The following MGST1 variants were observed in gnomAD, a reference collection of about 807,000 sequenced individuals.
MGST1 encodes glutathione S-transferase 12.
A neutral mutation model predicts 8.9 loss-of-function variants in MGST1; 5 were observed. The observed-to-expected ratio is 0.56, with a 90% confidence interval of 0.29 to 1.19. The LOEUF (loss-of-function observed/expected upper bound fraction) is 1.19, where lower values mean the gene tolerates loss of function less well. MGST1 is among the 50% of genes most tolerant of loss of function. MGST1 has a pLI of 0.08. For synonymous variants in MGST1, 54 were observed against 67.8 expected, an observed-to-expected ratio of 0.80 and a Z score of 1.00; for missense variants, 182 against 187.4, an observed-to-expected ratio of 0.97 and a Z score of 0.17.
intron 4 of MGST1, among the ~76,000 whole-genome samples, chr12:16,499,216 TTAAC>T (rs1163380523): frequency 3.9e-5 from 6 of 152,220 alleles, no homozygotes; most frequent in Non-Finnish European, 7.3e-5. Flanking sequence ...ATTTACATGT[TTAAC>T]TACGTGGGTA....
chr12:16,435,414 T>G (rs141994650), intron 1 of MGST1, among the ~76,000 whole-genome samples: 26 of 152,064 alleles, frequency 1.7e-4, no homozygotes, highest in Middle Eastern at 3.4e-3. Flanking sequence ...TAAAACAAAT[T>G]TGCACTTCTA....
chr12:16,481,759 T>C (rs1591741500), intron 4 of MGST1, among the ~76,000 whole-genome samples: 1 of 150,414 alleles, frequency 6.6e-6, no homozygotes, highest in South Asian at 2.1e-4. Context: ...ATGGCTGGAG[T>C]GAGATGGGCT....
chr12:16,523,747 A>T (rs1330141913), intron 4 of MGST1, among the ~76,000 whole-genome samples: 1 of 152,104 alleles, frequency 6.6e-6, no homozygotes, highest in African/African-American at 2.4e-5. Flanking sequence ...AAGACTGGAA[A>T]CTTAGTTTTC....
Position 16,364,264 on chromosome 12 carries a change from AG to A in MGST1, c.*224del. On this transcript the variant is annotated 3_prime_UTR_variant, in exon 4 of 4. Coordinates refer to ENST00000396210, the MANE Select transcript of MGST1 (RefSeq NM_020300.5). This position sits in a 1 kb window ranked among gnomAD's most constrained non-coding sequence, Gnocchi z 5.7. ...CTTAAGTCTTTTGTCTGATTTTTAA[AG>A]TACTTTCTTATAAATTTGGATCATG... 8.2e-7 allele frequency: 1 copy of A among 1,219,492 alleles called. No homozygotes were observed. Among genetic ancestry groups the A allele is most frequent in the Non-Finnish European group, 1.0e-6 (1 of 976,218 alleles). 75.5% of individuals were successfully genotyped at this position (1,219,492 alleles called of 1,614,324 possible). A position where few individuals can be genotyped will look rare whatever the true frequency, so the allele number is the denominator to read the frequency against.
At chr12:16,461,896 A>C (rs1383971232) in intron 4 of MGST1, among the ~76,000 whole-genome samples, 1 of 152,126 alleles carries the variant, frequency 6.6e-6, no homozygotes, top group African/African-American at 2.4e-5. Flanking sequence ...TACTTGGTTT[A>C]CCAAGATGAT....
chr12:16,400,199 C>G (rs1489114322), intron 1 of MGST1: 1 of 989,154 alleles, frequency 1.0e-6, no homozygotes, highest in South Asian at 1.3e-5. Flanking sequence ...GTCTCTCCCA[C>G]TTCTGTGTAG....
Position 16,544,406 on chromosome 12 carries a change from A to T in MGST1, n.483-45122A>T, listed in dbSNP as rs114793658. Among the ~76,000 whole-genome samples, 826 of 152,104 alleles carry T rather than the reference A, an allele frequency of 5.4e-3. 3 individuals are homozygous for T. Among genetic ancestry groups the T allele is most frequent in the African/African-American group, 0.018 (749 of 41,520 alleles). On this transcript the variant is annotated intron_variant and non_coding_transcript_variant, in intron 4 of 4. Transcript: ENST00000538857. This position sits in a 1 kb window ranked among gnomAD's most constrained non-coding sequence, Gnocchi z 4.8. ...TACAAAAGAGAAAAAGCCAAATATG[A>T]TATATGTGGCTTGTTTCTTCTATTG...
rs536520348 is a variant in MGST1, at chr12:16,564,501, C to G, written n.483-25027C>G. ...CAAGACATATACTCATTTAACATAG[C>G]AATAATGAATGTGGTTTACTACAGG... On this transcript the variant is annotated intron_variant and non_coding_transcript_variant, in intron 4 of 4. Coordinates refer to the MGST1 transcript ENST00000538857. 7.9e-5 allele frequency among the ~76,000 whole-genome samples: 12 copies of G among 152,234 alleles called. No individual in the cohort carries two copies. The East Asian group carries it at 2.3e-3, about 29-fold the overall frequency.
chr12:16,472,263 A>G (rs2137135638), intron 4 of MGST1, among the ~76,000 whole-genome samples: 1 of 152,302 alleles, frequency 6.6e-6, no homozygotes, highest in East Asian at 1.9e-4. Flanking sequence ...CTTCACAACC[A>G]GAAAAAAAAC....
chr12:16,577,364 A>G (rs1943026684), intron 4 of MGST1, among the ~76,000 whole-genome samples: 2 of 152,286 alleles, frequency 1.3e-5, no homozygotes, highest in Admixed American at 1.3e-4. Context: ...CTCCTAAATA[A>G]GCTGAGTTAT....
Position 16,566,039 on chromosome 12 carries a change from T to TATATATAA in MGST1, n.483-23488_483-23487insTATATAAA, listed in dbSNP as rs1565488437. Among the ~76,000 whole-genome samples, 11 of 86,522 alleles carry TATATATAA rather than the reference T, an allele frequency of 1.3e-4. 1 individual carries two copies. The highest frequency in any genetic ancestry group is 2.0e-4 in the Non-Finnish European group (9 of 44,258). 56.8% of individuals were successfully genotyped at this position (86,522 alleles called of 152,430 possible). On this transcript the variant is annotated intron_variant and non_coding_transcript_variant, in intron 4 of 4. Transcript: ENST00000538857. The stretch of plus-strand genomic sequence containing the variant: ...ATATATATATATATATATATATATA[T>TATATATAA]AAAATGGAGTACTATTCAGCCATAA...
chr12:16,537,786 C>T lies in MGST1; in HGVS notation n.483-51742C>T, dbSNP rs1941764502. ...GGATGCAGGGCACCAAGTCCCTAGGCTGCACACAGCATGGGGATCCTGGGC... is the reference window on the plus strand; with the variant it reads ...GGATGCAGGGCACCAAGTCCCTAGGTTGCACACAGCATGGGGATCCTGGGC... On this transcript the variant is annotated intron_variant and non_coding_transcript_variant, in intron 4 of 4. Transcript: ENST00000538857. The surrounding 1 kb of genome is among the most constrained non-coding windows in gnomAD (Gnocchi z 4.6). Among the ~76,000 whole-genome samples the T allele has an allele frequency of 6.6e-6, 1 of 152,210 alleles. No individual in the cohort carries two copies. The highest frequency in any genetic ancestry group is 1.9e-4 in the East Asian group (1 of 5,188).
At chr12:16,392,828 GAAAT>G (rs1940565706) in intron 1 of MGST1, among the ~76,000 whole-genome samples, 1 of 151,906 alleles carries the variant, frequency 6.6e-6, no homozygotes, top group Admixed American at 6.6e-5. Flanking sequence ...TAGATAGATT[GAAAT>G]ATACATTTTT....
downstream of MGST1, chr12:16,367,216 T>G (rs761629549): frequency 2.6e-5 from 4 of 152,122 alleles, no homozygotes; most frequent in Non-Finnish European, 5.9e-5. Flanking sequence ...TCATGAGATT[T>G]TTATGTACAC....
chr12:16,478,238 C>A (rs1406122859), intron 4 of MGST1, among the ~76,000 whole-genome samples: 2 of 152,130 alleles, frequency 1.3e-5, no homozygotes, highest in Admixed American at 1.3e-4. Context: ...CCATGTTGGC[C>A]AAGATGGTCT....
At chr12:16,562,690 T>C (rs1565485642) in intron 4 of MGST1, among the ~76,000 whole-genome samples, 1 of 152,222 alleles carries the variant, frequency 6.6e-6, no homozygotes, top group Non-Finnish European at 1.5e-5. Flanking sequence ...CTGAGCTGCC[T>C]GCTATACTGT....
intron 1 of MGST1, among the ~76,000 whole-genome samples, chr12:16,420,450 A>T (rs1388330544): frequency 6.6e-6 from 1 of 152,240 alleles, no homozygotes; most frequent in Non-Finnish European, 1.5e-5. Context: ...GATTAAAAAA[A>T]CTATCCTAAG....
intron 3 of MGST1, among the ~76,000 whole-genome samples, chr12:16,373,875 G>T (rs1348029841): frequency 6.6e-6 from 1 of 152,058 alleles, no homozygotes; most frequent in African/African-American, 2.4e-5. Flanking sequence ...GTTGTTAAAG[G>T]ATTGAAATAT....
At position 16,554,758 on chromosome 12, in the gene MGST1, G is replaced by A. The variant is rs539900476; in HGVS notation, n.483-34770G>A. On this transcript the variant is annotated intron_variant and non_coding_transcript_variant, in intron 4 of 4. Transcript: ENST00000538857. Reference sequence around the variant, plus strand: ...GATTCGCTCCGCCTCCCGGGTTCCCGCCATTCTCCTGCCTCAGCCTCCCCA... The same window carrying A: ...GATTCGCTCCGCCTCCCGGGTTCCCACCATTCTCCTGCCTCAGCCTCCCCA... Among the ~76,000 whole-genome samples the A allele has an allele frequency of 2.2e-4, 33 of 152,292 alleles. No individual in the cohort carries two copies. The South Asian group carries it at 5.8e-3, about 27-fold the overall frequency.
Sources: gnomAD v4.1 joint callset for allele counts (sites outside exome capture counted in the v4.1 genomes callset) on GRCh38, gnomAD v4.1.1 for gene constraint, Gnocchi (gnomAD v3.1) non-coding constraint, MANE v1.5 for transcripts, NCBI Gene and HGNC (gene_info 2026-07-23, HGNC 2026-07-21) for gene names.